Variants in MYO16 observed in about 807,000 individuals in gnomAD.
The protein encoded by MYO16 is myosin XVI, also known as unconventional myosin-XVI.
A neutral mutation model predicts 205.3 loss-of-function variants in MYO16; 94 were observed. The observed-to-expected ratio is 0.46, with a 90% CI of 0.39 to 0.54. MYO16 has a LOEUF of 0.54. Among genes scored for constraint, MYO16 ranks in the 20% least tolerant of loss-of-function variants. The pLI is 0.00. For missense variants in MYO16, 2,315 were observed against 2,387.5 expected (o/e 0.97, Z 0.63); for synonymous variants, 988 against 954.0 (o/e 1.04, Z -0.66).
intron 28 of MYO16, among the ~76,000 whole-genome samples, chr13:109,107,606 G>T (rs1404824928): frequency 6.6e-6 from 1 of 151,360 alleles, no homozygotes; most frequent in Admixed American, 6.6e-5. Flanking sequence ...ATAAATTAAT[G>T]GTTTATAACC....
At chr13:108,861,313 T>C (rs1192257960) in intron 11 of MYO16, among the ~76,000 whole-genome samples, 1 of 152,212 alleles carries the variant, frequency 6.6e-6, no homozygotes, top group Non-Finnish European at 1.5e-5. Flanking sequence ...CCTCTCATTA[T>C]TATGTTTCTA....
chr13:108,575,286 C>A, the MYO16 span, among the ~76,000 whole-genome samples: 6 of 152,152 alleles, frequency 3.9e-5, no homozygotes, highest in African/African-American at 9.7e-5. Context: ...TTCAAGATGA[C>A]CAACCCGCCA....
chr13:108,799,846 TA>T lies in MYO16; in HGVS notation c.741+6209del, dbSNP rs1017608249. ...TTTTCTTCATCCATCATTCCCTTAC[TA>T]AACTCCACTGAAGTTAAGAGGAAGA... On this transcript the variant is annotated intron_variant, in intron 6 of 34. Transcript: ENST00000457511. Among the ~76,000 whole-genome samples, 6 of 152,254 alleles carry T rather than the reference TA, an allele frequency of 3.9e-5. No individual in the cohort carries two copies. In the East Asian group the frequency reaches 5.8e-4, roughly 15 times the overall value.
At chr13:108,666,588 G>T (rs1442288231) in intron 2 of MYO16, among the ~76,000 whole-genome samples, 1 of 152,060 alleles carries the variant, frequency 6.6e-6, no homozygotes. Context: ...CTCCCAGAGT[G>T]CAGGAATTAC....
intron 1 of MYO16, among the ~76,000 whole-genome samples, chr13:108,618,866 A>G (rs1879441245): frequency 6.6e-6 from 1 of 152,216 alleles, no homozygotes; most frequent in Non-Finnish European, 1.5e-5. Flanking sequence ...AAACACATAT[A>G]TACTACATGT....
At chr13:108,625,858 A>G (rs138302913), upstream of MYO16, among the ~76,000 whole-genome samples, 4 of 152,344 alleles carry the variant, frequency 2.6e-5, no homozygotes, top group South Asian at 4.1e-4. Context: ...TCATTTAATA[A>G]AGCATGTCAA....
intron 10 of MYO16, among the ~76,000 whole-genome samples, chr13:108,848,318 G>A (rs1428668595): frequency 6.6e-6 from 1 of 152,176 alleles, no homozygotes; most frequent in African/African-American, 2.4e-5. Flanking sequence ...CAATGTAAAT[G>A]TAGATTATTT....
chr13:108,626,304 A>T (rs951117215), upstream of MYO16, among the ~76,000 whole-genome samples: 1 of 152,212 alleles, frequency 6.6e-6, no homozygotes, highest in African/African-American at 2.4e-5. Flanking sequence ...ACAATAGTTC[A>T]TTGTAATAAT....
At position 108,926,272 on chromosome 13, in the gene MYO16, G is replaced by A. The variant is rs774118458; in HGVS notation, c.1925+16122G>A. 4.8e-4 allele frequency among the ~76,000 whole-genome samples: 73 copies of A among 152,268 alleles called. 1 individual carries two copies. The highest frequency in any genetic ancestry group is 3.9e-3 in the Admixed American group (59 of 15,296). On this transcript the variant is annotated intron_variant, in intron 16 of 34. Transcript: ENST00000457511. ...ACCAAGGAGTCTGTTGCACAGAGTC[G>A]CAGTCTTCACTCTTTCTATCTCCGA...
At chr13:108,768,776 G>A (rs1326512660) in intron 4 of MYO16, among the ~76,000 whole-genome samples, 1 of 152,080 alleles carries the variant, frequency 6.6e-6, no homozygotes, top group Non-Finnish European at 1.5e-5. Flanking sequence ...TATAATGTCT[G>A]AACACTCAGC....
At chr13:108,919,592 T>G (rs956425185) in intron 16 of MYO16, among the ~76,000 whole-genome samples, 2 of 152,190 alleles carry the variant, frequency 1.3e-5, no homozygotes, top group Non-Finnish European at 2.9e-5. Flanking sequence ...ATGCTAGATG[T>G]GCAAGCAGTG....
At chr13:109,201,150 A>G (rs1880376572) in intron 34 of MYO16, among the ~76,000 whole-genome samples, 1 of 152,064 alleles carries the variant, frequency 6.6e-6, no homozygotes, top group Non-Finnish European at 1.5e-5. Flanking sequence ...TTGGATATTT[A>G]TTATTTCACT....
intron 27 of MYO16, among the ~76,000 whole-genome samples, chr13:109,093,417 A>G (rs1188416624): frequency 1.3e-5 from 2 of 152,172 alleles, no homozygotes; most frequent in Non-Finnish European, 2.9e-5. Context: ...CCAGCCACAG[A>G]TAAGTAATTG....
At chr13:109,146,429 T>C (rs1877333484) in intron 32 of MYO16, among the ~76,000 whole-genome samples, 1 of 152,216 alleles carries the variant, frequency 6.6e-6, no homozygotes, top group African/African-American at 2.4e-5. Context: ...GCCCATCCTA[T>C]TTCATCTCTA....
At position 108,898,232 on chromosome 13, in the gene MYO16, G is replaced by A. The variant is rs1046580300; in HGVS notation, c.1777+99G>A. ...ATGGACACACTGTGTATGAATCAATGCTGGGAGAGAAAACCTATTCTTCAT... is the reference window on the plus strand; with the variant it reads ...ATGGACACACTGTGTATGAATCAATACTGGGAGAGAAAACCTATTCTTCAT... On this transcript the variant is annotated intron_variant, in intron 15 of 34. Transcript: ENST00000457511. 7 of 893,176 alleles carry A rather than the reference G, an allele frequency of 7.8e-6. No individual in the cohort carries two copies. In the African/African-American group the frequency reaches 8.2e-5, roughly 11 times the overall value. 55.3% of individuals were successfully genotyped at this position (893,176 alleles called of 1,614,324 possible). A position where few individuals can be genotyped will look rare whatever the true frequency, so the allele number is the denominator to read the frequency against.
At chr13:109,145,314 T>G (rs1877278933) in intron 32 of MYO16, among the ~76,000 whole-genome samples, 1 of 151,196 alleles carries the variant, frequency 6.6e-6, no homozygotes, top group African/African-American at 2.4e-5. Context: ...GTCTCTAGAG[T>G]CTCTTCCCCT....
chr13:109,155,830 C>T (rs1304893518), intron 32 of MYO16, among the ~76,000 whole-genome samples: 1 of 152,232 alleles, frequency 6.6e-6, no homozygotes, highest in Non-Finnish European at 1.5e-5. Flanking sequence ...ATCCACCCAT[C>T]TCCACTGAAC....
Position 109,025,062 on chromosome 13 carries a change from A to G in MYO16, c.2796+5151A>G, listed in dbSNP as rs186142326. On this transcript the variant is annotated intron_variant, in intron 23 of 34. Transcript: ENST00000457511. ...AAAGTTGGGCCCAAGCGAGAGCTCA[A>G]TGGCCCTGGGGTTCTTGGCTTTATT... is the stretch of plus-strand genomic sequence containing the variant. 5.9e-5 allele frequency among the ~76,000 whole-genome samples: 9 copies of G among 152,256 alleles called. No individual in the cohort carries two copies. The East Asian group carries it at 9.7e-4, about 16-fold the overall frequency.
intron 1 of MYO16, among the ~76,000 whole-genome samples, chr13:108,663,821 T>C (rs1177498681): frequency 6.6e-6 from 1 of 152,232 alleles, no homozygotes; most frequent in African/African-American, 2.4e-5. Flanking sequence ...TTATTTGTTT[T>C]AATTCTTTAG....
Sources: gnomAD v4.1 joint callset for allele counts (sites outside exome capture counted in the v4.1 genomes callset) on GRCh38, gnomAD v4.1.1 for gene constraint, MANE v1.5 for transcripts, NCBI Gene and HGNC (gene_info 2026-07-23, HGNC 2026-07-21) for gene names.